Variants in LRRC4C observed in about 807,000 individuals in gnomAD.
The protein encoded by LRRC4C is leucine-rich repeat-containing protein 4C.
In LRRC4C, 5 loss-of-function variants were observed where a neutral mutation model predicts 33.6. The ratio of observed to expected loss-of-function variants is 0.15; its 90% CI spans 0.08 to 0.31. The LOEUF (loss-of-function observed/expected upper bound fraction) is 0.31, where lower values mean the gene tolerates loss of function less well. Ranked by LOEUF, LRRC4C falls within the 10% of genes least tolerant of loss-of-function variation. The probability of loss-of-function intolerance (pLI) is 1.00; values close to 1 mark genes in which losing one functional copy is unlikely to be tolerated. For missense variants in LRRC4C, 560 were observed against 796.7 expected (o/e 0.70, Z 3.58); for synonymous variants, 329 against 302.0 (o/e 1.09, Z -0.93).
intron 1 of LRRC4C, among the ~76,000 whole-genome samples, chr11:41,295,190 C>T (rs192972479): frequency 2.6e-5 from 4 of 152,170 alleles, no homozygotes; most frequent in East Asian, 1.9e-4. Flanking sequence ...AATAAGAGCA[C>T]TGTTAAAAAT....
At chr11:40,741,617 C>A (rs1948160370) in intron 2 of LRRC4C, among the ~76,000 whole-genome samples, 1 of 152,058 alleles carries the variant, frequency 6.6e-6, no homozygotes, top group Non-Finnish European at 1.5e-5. Flanking sequence ...CTCATTGATT[C>A]ATGACTTTAT....
chr11:40,958,478 A>G (rs1959057344), intron 1 of LRRC4C, among the ~76,000 whole-genome samples: 2 of 151,752 alleles, frequency 1.3e-5, no homozygotes, highest in Non-Finnish European at 2.9e-5. Flanking sequence ...ATTGCCTTAT[A>G]TTTTTAATAG....
intron 3 of LRRC4C, chr11:40,351,448 T>G (rs1324055163): frequency 6.6e-6 from 1 of 152,068 alleles, no homozygotes; most frequent in East Asian, 1.9e-4. Context: ...GTCTAATGTT[T>G]CTTTGTTGGT....
chr11:41,015,968 C>A (rs1442540777), intron 1 of LRRC4C, among the ~76,000 whole-genome samples: 1 of 152,052 alleles, frequency 6.6e-6, no homozygotes, highest in East Asian at 1.9e-4. Flanking sequence ...CCAGCCCGGG[C>A]GAGCTGCAGA....
At chr11:40,455,334 T>C (rs1285459812) in intron 3 of LRRC4C, among the ~76,000 whole-genome samples, 2 of 152,204 alleles carry the variant, frequency 1.3e-5, no homozygotes, top group African/African-American at 2.4e-5. Context: ...CTCACTCCTG[T>C]GTCCCTGCTC....
At chr11:40,989,349 C>T (rs1270822956) in intron 1 of LRRC4C, among the ~76,000 whole-genome samples, 2 of 152,058 alleles carry the variant, frequency 1.3e-5, no homozygotes, top group East Asian at 3.9e-4. Flanking sequence ...CCTCAAACAT[C>T]CTCCATGAAG....
At chr11:40,206,885 T>C (rs1447572587) in intron 5 of LRRC4C, among the ~76,000 whole-genome samples, 3 of 152,130 alleles carry the variant, frequency 2.0e-5, no homozygotes, top group African/African-American at 4.8e-5. Flanking sequence ...CTGGTAAGAA[T>C]GACTTCTGCA....
chr11:41,167,965 T>C (rs960492070), intron 1 of LRRC4C, among the ~76,000 whole-genome samples: 4 of 152,324 alleles, frequency 2.6e-5, no homozygotes, highest in East Asian at 3.9e-4. Flanking sequence ...GCAAATCAAG[T>C]GGTCCAATGG....
chr11:41,315,029 A>G (rs529588772), intron 1 of LRRC4C, among the ~76,000 whole-genome samples: 1 of 152,328 alleles, frequency 6.6e-6, no homozygotes, highest in South Asian at 2.1e-4. Context: ...AAATAAGACC[A>G]ACTTAGTTGC....
At chr11:41,181,059 A>G (rs1945428522) in intron 1 of LRRC4C, among the ~76,000 whole-genome samples, 1 of 152,230 alleles carries the variant, frequency 6.6e-6, no homozygotes, top group African/African-American at 2.4e-5. Context: ...TTAATAAACT[A>G]GGAAATATTA....
chr11:41,409,982 T>C (rs947194948), intron 1 of LRRC4C, among the ~76,000 whole-genome samples: 1 of 152,174 alleles, frequency 6.6e-6, no homozygotes, highest in African/African-American at 2.4e-5. Context: ...TGTAAGAAAA[T>C]AGTCTCAATA....
chr11:40,227,357 G>C (rs1424761905), intron 5 of LRRC4C, among the ~76,000 whole-genome samples: 1 of 152,180 alleles, frequency 6.6e-6, no homozygotes, highest in Admixed American at 6.5e-5. Context: ...TGATTGTTAT[G>C]ATGATGACAG....
At chr11:41,067,353 A>T (rs1938326409) in intron 1 of LRRC4C, among the ~76,000 whole-genome samples, 1 of 152,230 alleles carries the variant, frequency 6.6e-6, no homozygotes, top group East Asian at 1.9e-4. Flanking sequence ...AATCAATTCA[A>T]CAAGAAGAGC....
chr11:41,190,374 T>G (rs1332231810), intron 1 of LRRC4C, among the ~76,000 whole-genome samples: 1 of 152,142 alleles, frequency 6.6e-6, no homozygotes, highest in Non-Finnish European at 1.5e-5. Context: ...TTGACCTGTC[T>G]TTTTAGGGTG....
At chr11:40,448,993 T>A (rs1264035413) in intron 3 of LRRC4C, among the ~76,000 whole-genome samples, 1 of 152,236 alleles carries the variant, frequency 6.6e-6, no homozygotes, top group Non-Finnish European at 1.5e-5. Flanking sequence ...ATTTCTCTAA[T>A]GACTAGTGAT....
chr11:41,144,433 C>T (rs1430580168), intron 1 of LRRC4C, among the ~76,000 whole-genome samples: 1 of 152,120 alleles, frequency 6.6e-6, no homozygotes, highest in Non-Finnish European at 1.5e-5. Flanking sequence ...AAAAATATTC[C>T]AGTTTGTTTG....
intron 3 of LRRC4C, among the ~76,000 whole-genome samples, chr11:40,453,165 A>G (rs1388471967): frequency 7.1e-6 from 1 of 140,292 alleles, no homozygotes; most frequent in Non-Finnish European, 1.6e-5. Context: ...CATGTACCCT[A>G]AAACTTAAAG....
At chr11:40,730,785 C>T (rs1056336436) in intron 2 of LRRC4C, among the ~76,000 whole-genome samples, 1 of 152,198 alleles carries the variant, frequency 6.6e-6, no homozygotes, top group African/African-American at 2.4e-5. Context: ...TTCTGAGTGC[C>T]TTCATTTAGA....
intron 1 of LRRC4C, among the ~76,000 whole-genome samples, chr11:41,379,672 G>A (rs964767019): frequency 7.2e-5 from 11 of 151,942 alleles, no homozygotes; most frequent in Admixed American, 2.6e-4. Flanking sequence ...TAGGATTCAT[G>A]GCCATTTTCT....
Sources: allele counts gnomAD v4.1 joint callset (sites outside exome capture counted in the v4.1 genomes callset), GRCh38; gene constraint gnomAD v4.1.1; transcripts MANE v1.5; gene names NCBI Gene and HGNC (gene_info 2026-07-23, HGNC 2026-07-21).